Variants in FXN observed in about 807,000 individuals in gnomAD.
The protein encoded by FXN is frataxin.
In FXN, 14 loss-of-function variants were observed where a neutral mutation model predicts 22.4. That is an observed-to-expected ratio of 0.62 (90% confidence interval 0.41 to 0.98). FXN has a LOEUF of 0.98. Ranked by LOEUF, FXN falls within the 50% of genes least tolerant of loss-of-function variation. The pLI is 0.00. For synonymous variants in FXN, 120 were observed against 114.1 expected, an observed-to-expected ratio of 1.05 and a Z score of -0.33; for missense variants, 267 against 268.4, an observed-to-expected ratio of 0.99 and a Z score of 0.04.
intron 3 of FXN, among the ~76,000 whole-genome samples, chr9:69,062,894 A>T (rs1210830551): frequency 8.6e-6 from 1 of 116,096 alleles, no homozygotes; most frequent in Admixed American, 7.8e-5. Flanking sequence ...TAGTAAAATT[A>T]AAAAAAAAAA....
At position 69,075,729 on chromosome 9, in the gene FXN, T is replaced by G. The variant is rs1471323707; in HGVS notation, c.*2967T>G. ...CATAATACAATCTTAGAAAACTTTT[T>G]TTTCCCCTTTCTATTTTTTGAGACA... On this transcript the variant is annotated 3_prime_UTR_variant, in exon 5 of 5. Coordinates refer to ENST00000484259, the MANE Select transcript of FXN (RefSeq NM_000144.5). 4.1e-6 allele frequency: 4 copies of G among 982,950 alleles called. No individual in the cohort carries two copies. In the East Asian group the frequency reaches 4.5e-4, roughly 111 times the overall value. The allele number at this position is 982,950 out of a possible 1,614,324, so 60.9% of individuals were successfully genotyped here.
chr9:69,058,142 T>C (rs915451747), intron 3 of FXN, among the ~76,000 whole-genome samples: 2 of 152,238 alleles, frequency 1.3e-5, no homozygotes, highest in Non-Finnish European at 1.5e-5. Context: ...TTTTTCTCTC[T>C]GTGGAGTGGG....
At chr9:69,047,453 A>C (rs1040437412) in intron 2 of FXN, among the ~76,000 whole-genome samples, 2 of 152,172 alleles carry the variant, frequency 1.3e-5, no homozygotes, top group Non-Finnish European at 2.9e-5. Flanking sequence ...TGCCCGCAGC[A>C]CTGGAGCCCT....
Position 69,035,947 on chromosome 9 carries a change from A to T in FXN, c.165A>T (p.Ala55=), listed in dbSNP as rs1285692313. 4 of 1,416,772 alleles carry T rather than the reference A, an allele frequency of 2.8e-6. No individual in the cohort carries two copies. The highest frequency in any genetic ancestry group is 3.7e-6 in the Non-Finnish European group (4 of 1,085,708). 87.8% of individuals were successfully genotyped at this position (1,416,772 alleles called of 1,614,324 possible). A position where few individuals can be genotyped will look rare whatever the true frequency, so the allele number is the denominator to read the frequency against. ...DIDATCTPRR[A]SSNQRGLNQI... Reference sequence around the variant, plus strand: ...ATGCGACCTGCACGCCCCGCCGCGCAGTAAGTATCCGCGCCGGGAACAGCC... The same window carrying T: ...ATGCGACCTGCACGCCCCGCCGCGCTGTAAGTATCCGCGCCGGGAACAGCC... The change falls in exon 1 of 5, where the codon GCA becomes GCT. Residue 55 remains alanine (A), a splice_region_variant and synonymous_variant. Coordinates refer to ENST00000484259, the MANE Select transcript of FXN (RefSeq NM_000144.5).
intron 1 of FXN, among the ~76,000 whole-genome samples, chr9:69,040,683 T>A (rs540358009): frequency 0.02 from 2,981 of 151,894 alleles, 81 homozygotes; most frequent in African/African-American, 0.063. Flanking sequence ...AAAAAATAAA[T>A]AAATAAATAA....
In FXN at chr9:69,074,632, G is replaced by A. The variant is rs1832335019; in HGVS notation, c.*1870G>A. The A allele has an allele frequency of 3.0e-6, 3 of 985,114 alleles. No homozygotes were observed. Among genetic ancestry groups the A allele is most frequent in the South Asian group, 4.7e-5 (1 of 21,276 alleles). 61.0% of individuals were successfully genotyped at this position (985,114 alleles called of 1,614,324 possible). On this transcript the variant is annotated 3_prime_UTR_variant, in exon 5 of 5. Transcript: ENST00000484259. ...CCATTAAGTCAAGCTGGGAGCAGTG[G>A]CATATACCTATAGTCCCAGCTGCAC...
chr9:69,059,152 G>A lies in FXN; in HGVS notation c.385-5786G>A, dbSNP rs535398320. On this transcript the variant is annotated intron_variant, in intron 3 of 4. Transcript: ENST00000484259. ...ACAGCTTGGTGTTTGCCTTAAACTT[G>A]GTTTGAACAGTTGGCCGCCTTTGAT... Among the ~76,000 whole-genome samples, 263 of 152,248 alleles carry A rather than the reference G, an allele frequency of 1.7e-3. 2 individuals are homozygous for A. The highest frequency in any genetic ancestry group is 5.4e-3 in the African/African-American group (223 of 41,540).
intron 2 of FXN, among the ~76,000 whole-genome samples, chr9:69,050,986 G>A (rs1044215643): frequency 2.0e-5 from 3 of 152,056 alleles, no homozygotes; most frequent in African/African-American, 7.2e-5. Context: ...CTCCATGTTG[G>A]TCAAGCTGGT....
rs542296100 is a variant in FXN at position 69,052,716 on chromosome 9, G to T, written c.264-424G>T. Among the ~76,000 whole-genome samples, 5 of 151,710 alleles carry T rather than the reference G, an allele frequency of 3.3e-5. No individual in the cohort carries two copies. The South Asian group carries it at 1.0e-3, about 32-fold the overall frequency. On this transcript the variant is annotated intron_variant, in intron 2 of 4. Transcript: ENST00000484259. ...CGTCACCACGCCCGGCTAATTTTTTGTATTTTCAGTAGAGACGGGGTTTCA... is the reference window on the plus strand; with the variant it reads ...CGTCACCACGCCCGGCTAATTTTTTTTATTTTCAGTAGAGACGGGGTTTCA...
Position 69,076,283 on chromosome 9 carries a change from G to T in FXN, c.*3521G>T. 1.0e-6 allele frequency: 1 copy of T among 984,204 alleles called. No homozygotes were observed. Among genetic ancestry groups the T allele is most frequent in the Non-Finnish European group, 1.2e-6 (1 of 829,688 alleles). The allele number at this position is 984,204 out of a possible 1,614,324, so 61.0% of individuals were successfully genotyped here. A position where few individuals can be genotyped will look rare whatever the true frequency, so the allele number is the denominator to read the frequency against. ...TGTTGAGCCTGGGCCCACAGGCAAAGCACAATCCTGATGTGAGAAGTACTC... is the reference window on the plus strand; with the variant it reads ...TGTTGAGCCTGGGCCCACAGGCAAATCACAATCCTGATGTGAGAAGTACTC... On this transcript the variant is annotated 3_prime_UTR_variant, in exon 5 of 5. Transcript: ENST00000484259.
In FXN at chr9:69,078,634, C is replaced by A; in HGVS notation, c.*5872C>A. 1.0e-6 allele frequency: 1 copy of A among 985,896 alleles called. No homozygotes were observed. 61.1% of individuals were successfully genotyped at this position (985,896 alleles called of 1,614,324 possible). A position where few individuals can be genotyped will look rare whatever the true frequency, so the allele number is the denominator to read the frequency against. Reference sequence around the variant, plus strand: ...TGCTTTTCTACCCCCTCACACTCAACACTTTGACTCCAGCAATCCCAAATC... The same window carrying A: ...TGCTTTTCTACCCCCTCACACTCAAAACTTTGACTCCAGCAATCCCAAATC... On this transcript the variant is annotated 3_prime_UTR_variant, in exon 5 of 5. Coordinates refer to ENST00000484259, the MANE Select transcript of FXN (RefSeq NM_000144.5).
In FXN at chr9:69,075,957, G is replaced by C; in HGVS notation, c.*3195G>C. 5.5e-6 allele frequency: 5 copies of C among 912,722 alleles called. No homozygotes were observed. Among genetic ancestry groups the C allele is most frequent in the Non-Finnish European group, 6.5e-6 (5 of 764,240 alleles). 56.5% of individuals were successfully genotyped at this position (912,722 alleles called of 1,614,324 possible). On this transcript the variant is annotated 3_prime_UTR_variant, in exon 5 of 5. Transcript: ENST00000484259. ...TAGGCTCAAGTGATCCACCTGCCTC[G>C]TCCTCCCAAGATGCTGGGATTACAG...
intron 3 of FXN, among the ~76,000 whole-genome samples, chr9:69,055,032 AC>A (rs767936812): frequency 1.3e-5 from 2 of 152,230 alleles, no homozygotes; most frequent in Non-Finnish European, 2.9e-5. Context: ...GACTATAAGG[AC>A]AGTGAGGGAA....
At chr9:69,036,484 C>CAGAGCTGCAGAATAGCT (rs1377905760) in intron 1 of FXN, among the ~76,000 whole-genome samples, 1 of 152,186 alleles carries the variant, frequency 6.6e-6, no homozygotes, top group Non-Finnish European at 1.5e-5. Context: ...GTGAAACTTT[C>CAGAGCTGCAGAATAGCT]AGAGCTGCAG....
At chr9:69,040,078 A>C (rs1289168690) in intron 1 of FXN, among the ~76,000 whole-genome samples, 1 of 152,196 alleles carries the variant, frequency 6.6e-6, no homozygotes, top group Non-Finnish European at 1.5e-5. Flanking sequence ...CCCACCTCTC[A>C]ATACTGCCAC....
chr9:69,036,567 G>A (rs1314490011), intron 1 of FXN, among the ~76,000 whole-genome samples: 1 of 152,190 alleles, frequency 6.6e-6, no homozygotes, highest in Admixed American at 6.5e-5. Flanking sequence ...GCCCCACTCC[G>A]CAGAGCTGTG....
In FXN at chr9:69,070,236, A is replaced by G. The variant is rs191604465; in HGVS notation, c.483-2376A>G. 4.7e-3 allele frequency among the ~76,000 whole-genome samples: 711 copies of G among 152,170 alleles called. 3 individuals are homozygous for G. Among genetic ancestry groups the G allele is most frequent in the African/African-American group, 0.016 (684 of 41,514 alleles). ...ACAGTGAGACCCCATCTCAAAAAAAAAAAAAAGAAAGAAAACGGCCCAGGA... is the reference window on the plus strand; with the variant it reads ...ACAGTGAGACCCCATCTCAAAAAAAGAAAAAAGAAAGAAAACGGCCCAGGA... On this transcript the variant is annotated intron_variant, in intron 4 of 4. Coordinates refer to ENST00000484259, the MANE Select transcript of FXN (RefSeq NM_000144.5).
intron 3 of FXN, among the ~76,000 whole-genome samples, chr9:69,053,498 T>G (rs1296794022): frequency 6.6e-6 from 1 of 150,388 alleles, no homozygotes; most frequent in Non-Finnish European, 1.5e-5. Flanking sequence ...GATGGATGGA[T>G]GGATGGATGG....
intron 3 of FXN, among the ~76,000 whole-genome samples, chr9:69,059,024 C>T (rs1249696325): frequency 1.3e-5 from 2 of 151,704 alleles, no homozygotes; most frequent in African/African-American, 4.8e-5. Flanking sequence ...GCCAGGATCC[C>T]GCCACTGCAC....
Sources: allele counts gnomAD v4.1 joint callset (sites outside exome capture counted in the v4.1 genomes callset), GRCh38; gene constraint gnomAD v4.1.1; transcripts MANE v1.5; gene names NCBI Gene and HGNC (gene_info 2026-07-23, HGNC 2026-07-21).